The following ITSN1 variants were observed in gnomAD, a reference collection of about 807,000 sequenced individuals.
ITSN1 encodes the protein intersectin 1.
ITSN1 carries 58 observed loss-of-function variants against 239.8 expected under a neutral mutation model. The ratio of observed to expected loss-of-function variants is 0.24; its 90% CI spans 0.20 to 0.30. The LOEUF (loss-of-function observed/expected upper bound fraction) is 0.30, where lower values mean the gene tolerates loss of function less well. ITSN1 is among the 10% of genes least tolerant of loss of function. The pLI, the probability that ITSN1 is intolerant of heterozygous loss-of-function variation, is 1.00. For missense variants in ITSN1, 1,558 were observed against 2,103.3 expected (o/e 0.74, Z 5.07); for synonymous variants, 780 against 770.8 (o/e 1.01, Z -0.20).
At chr21:33,699,470 T>TGC (rs2091921038) in intron 1 of ITSN1, among the ~76,000 whole-genome samples, 1 of 152,170 alleles carries the variant, frequency 6.6e-6, no homozygotes, top group Non-Finnish European at 1.5e-5. Context: ...CGGTGCCTCA[T>TGC]GCACTTTGGG....
At chr21:33,751,764 T>G in intron 6 of ITSN1, 46 bp from the exon 7 acceptor site, 1 of 1,433,644 alleles carries the variant, frequency 7.0e-7, no homozygotes. Context: ...TGGGGAAAGT[T>G]TCTTATCTTT....
intron 2 of ITSN1, among the ~76,000 whole-genome samples, chr21:33,719,630 C>G (rs1386364902): frequency 1.3e-5 from 2 of 152,128 alleles, no homozygotes; most frequent in Non-Finnish European, 2.9e-5. Context: ...TTTCCCAAGT[C>G]TCTTAGTGAA....
rs1370319730 is a variant in ITSN1, at chr21:33,865,229, G to T, written c.3969G>T (p.Leu1323=). ...TTGGAGACATCCTGAGCGCACAGCT[G>T]CCGCACATGCAGCCCTACATCCGCT... ...KMIGDILSAQ[L]PHMQPYIRFC... is the part of the protein sequence containing the mutation. Residue 1323 remains leucine, a synonymous_variant, in exon 32 of 40, where the codon CTG becomes CTT. Coordinates refer to ENST00000381318, the MANE Select transcript of ITSN1 (RefSeq NM_003024.3). The surrounding 1 kb of genome is among the most constrained non-coding windows in gnomAD (Gnocchi z 4.4). The T allele has an allele frequency of 1.2e-6, 2 of 1,613,716 alleles. No individual in the cohort carries two copies. Among genetic ancestry groups the T allele is most frequent in the Non-Finnish European group, 1.7e-6 (2 of 1,179,908 alleles).
chr21:33,677,816 T>C (rs1185708449), intron 1 of ITSN1, among the ~76,000 whole-genome samples: 1 of 152,236 alleles, frequency 6.6e-6, no homozygotes, highest in Non-Finnish European at 1.5e-5. Flanking sequence ...GTAGACTTTC[T>C]GTCCAGAATA....
chr21:33,681,736 T>C (rs1364699177), intron 1 of ITSN1, among the ~76,000 whole-genome samples: 3 of 151,768 alleles, frequency 2.0e-5, no homozygotes, highest in Non-Finnish European at 4.4e-5. Context: ...AGTGGCGAGA[T>C]CTGGGTTCAT....
chr21:33,670,730 A>G (rs1180315439), intron 1 of ITSN1, among the ~76,000 whole-genome samples: 3 of 152,232 alleles, frequency 2.0e-5, no homozygotes, highest in Non-Finnish European at 4.4e-5. Context: ...TGAAAGTAAC[A>G]TACTAACATG....
intron 29 of ITSN1, among the ~76,000 whole-genome samples, chr21:33,856,288 A>C (rs1979315751): frequency 6.6e-6 from 1 of 152,350 alleles, no homozygotes; most frequent in African/African-American, 2.4e-5. Context: ...ACAAACGACC[A>C]CAAACGGGGG....
intron 20 of ITSN1, among the ~76,000 whole-genome samples, chr21:33,808,193 CAA>C (rs201200641): frequency 1.7e-5 from 2 of 118,828 alleles, no homozygotes; most frequent in Admixed American, 8.7e-5. Flanking sequence ...GACTCCGTCT[CAA>C]AAAAAAAAAA....
At chr21:33,779,948 C>T (rs2070016520) in intron 14 of ITSN1, among the ~76,000 whole-genome samples, 1 of 152,156 alleles carries the variant, frequency 6.6e-6, no homozygotes, top group South Asian at 2.1e-4. Flanking sequence ...TCTCCTGCCT[C>T]AGCCTCCCCG....
In ITSN1 at chr21:33,755,290, C is replaced by A; in HGVS notation, c.624-7C>A. The A allele has an allele frequency of 6.4e-7, 1 of 1,561,046 alleles. No homozygotes were observed. Among genetic ancestry groups the A allele is most frequent in the Non-Finnish European group, 8.8e-7 (1 of 1,141,752 alleles). ...TCCTCTTTCTCTCCTTTTTCTTTTC[C>A]CCACAGTGTCCCACCAGTGGCAGAG... is the stretch of plus-strand genomic sequence containing the variant. On this transcript the variant is annotated splice_polypyrimidine_tract_variant and splice_region_variant and intron_variant, in intron 7 of 39. Transcript: ENST00000381318.
intron 20 of ITSN1, among the ~76,000 whole-genome samples, chr21:33,809,222 A>G (rs2072709789): frequency 1.3e-5 from 2 of 152,230 alleles, no homozygotes; most frequent in Admixed American, 1.3e-4. Flanking sequence ...TAGAACTGTG[A>G]AGCCAAAAAT....
intron 29 of ITSN1, among the ~76,000 whole-genome samples, chr21:33,843,599 AT>A (rs2074898939): frequency 6.6e-6 from 1 of 152,084 alleles, no homozygotes; most frequent in Non-Finnish European, 1.5e-5. Context: ...TCAGCCTAAT[AT>A]TTTACTCCAT....
chr21:33,819,367 C>A, intron 24 of ITSN1, 44 bp downstream of exon 24: 2 of 1,399,258 alleles, frequency 1.4e-6, no homozygotes, highest in Non-Finnish European at 2.0e-6. Flanking sequence ...GGGTCAAGGA[C>A]ATTGTGTAAA....
intron 1 of ITSN1, among the ~76,000 whole-genome samples, chr21:33,714,076 C>T (rs967359377): frequency 4.0e-5 from 6 of 151,858 alleles, no homozygotes; most frequent in Admixed American, 1.3e-4. Flanking sequence ...GTGATCCACC[C>T]GCCTTGGCCT....
intron 5 of ITSN1, 107 bp downstream of exon 5, chr21:33,735,311 A>G: frequency 3.3e-6 from 4 of 1,207,230 alleles, no homozygotes; most frequent in Non-Finnish European, 4.8e-6. Context: ...TCTAGGAGGT[A>G]ATTCTGTCTG....
intron 1 of ITSN1, among the ~76,000 whole-genome samples, chr21:33,689,734 G>A (rs1357200919): frequency 3.9e-5 from 6 of 152,138 alleles, no homozygotes; most frequent in Non-Finnish European, 7.4e-5. Context: ...CGGGGAGGCT[G>A]AGGCCGGTGG....
At chr21:33,670,286 T>TG (rs2090185450) in intron 1 of ITSN1, among the ~76,000 whole-genome samples, 1 of 152,086 alleles carries the variant, frequency 6.6e-6, no homozygotes, top group South Asian at 2.1e-4. Flanking sequence ...GCCCAGGAGT[T>TG]GGAGGCTGGA....
At chr21:33,737,553 T>G (rs1452971357) in intron 5 of ITSN1, among the ~76,000 whole-genome samples, 1 of 152,168 alleles carries the variant, frequency 6.6e-6, no homozygotes, top group Admixed American at 6.5e-5. Context: ...AATAATTTAT[T>G]ACTATTGTCA....
At position 33,834,575 on chromosome 21, in the gene ITSN1, T is replaced by TG. The variant is rs2074492017; in HGVS notation, c.3469+151_3469+152insG. ...TGGGACTGACACCCAACTAATGTGA[T>TG]ATGGAATATGTCTTTCAAAAGGACC... On this transcript the variant is annotated intron_variant, in intron 28 of 39. Coordinates refer to ENST00000381318, the MANE Select transcript of ITSN1 (RefSeq NM_003024.3). 4.6e-6 allele frequency: 3 copies of TG among 649,142 alleles called. No individual in the cohort carries two copies. The Admixed American group carries it at 7.8e-5, about 17-fold the overall frequency. The allele number at this position is 649,142 out of a possible 1,614,324, so 40.2% of individuals were successfully genotyped here.
Sources: gnomAD v4.1 joint callset for allele counts (sites outside exome capture counted in the v4.1 genomes callset) on GRCh38, gnomAD v4.1.1 for gene constraint, Gnocchi (gnomAD v3.1) non-coding constraint, MANE v1.5 for transcripts, NCBI Gene and HGNC (gene_info 2026-07-23, HGNC 2026-07-21) for gene names.